RFX7: variants seen among roughly 807,000 people sequenced by gnomAD.
The protein encoded by RFX7 is DNA-binding protein RFX7.
RFX7 carries 26 observed loss-of-function variants against 111.8 expected under a neutral mutation model. That is an observed-to-expected ratio of 0.23 (90% CI 0.17 to 0.32). The LOEUF is 0.32. Among genes scored for constraint, RFX7 ranks in the 10% least tolerant of loss-of-function variants. The pLI is 1.00. For missense variants in RFX7, 1,573 were observed against 1,772.9 expected (o/e 0.89, Z 2.02); for synonymous variants, 624 against 624.4 (o/e 1.00, Z 0.01).
Position 56,219,654 on chromosome 15 carries a change from T to C in RFX7, c.161+23471A>G, listed in dbSNP as rs748771087. On this transcript the variant is annotated intron_variant, in intron 2 of 9. Coordinates refer to ENST00000559447, the MANE Select transcript of RFX7 (RefSeq NM_022841.7). ...TCCTGCATTAGTGTGCTTAGGATAA[T>C]GACTTCCAGCTACATCCACGTCGCT... 3.9e-5 allele frequency among the ~76,000 whole-genome samples: 6 copies of C among 152,302 alleles called. No individual in the cohort carries two copies. The Middle Eastern group carries it at 0.01, about 259-fold the overall frequency.
At chr15:56,117,563 T>G (rs2042024280) in intron 5 of RFX7, among the ~76,000 whole-genome samples, 1 of 152,166 alleles carries the variant, frequency 6.6e-6, no homozygotes, top group Non-Finnish European at 1.5e-5. Context: ...CATTTTTCAG[T>G]ACTATACAAT....
At chr15:56,127,329 T>C (rs2042156627) in intron 5 of RFX7, among the ~76,000 whole-genome samples, 1 of 151,450 alleles carries the variant, frequency 6.6e-6, no homozygotes, top group South Asian at 2.1e-4. Context: ...AAGAAGTGCT[T>C]AGCAGGAAAT....
At chr15:56,119,237 G>C (rs1244638221) in intron 5 of RFX7, among the ~76,000 whole-genome samples, 4 of 152,142 alleles carry the variant, frequency 2.6e-5, no homozygotes, top group Non-Finnish European at 5.9e-5. Context: ...TGTGCTTGTA[G>C]GGTATTGCTC....
At position 56,094,860 on chromosome 15, in the gene RFX7, A is replaced by G. The variant is rs373912380; in HGVS notation, c.2868T>C (p.Pro956=). The change falls in exon 10 of 10, where the codon CCT becomes CCC. Residue 956 remains proline (P), a synonymous_variant. Transcript: ENST00000559447. ...TCGGGGTTGGGGTTGGGGTTGGAGT[A>G]GGAGTGGGTGTGGGTGTGGGTGTGG... ...HTPTPTPTPT[P]TPTPTPTPTS... is the part of the protein sequence containing the mutation. 92 of 1,553,366 alleles carry G rather than the reference A, an allele frequency of 5.9e-5. 1 individual carries two copies. The South Asian group carries it at 7.2e-4, about 12-fold the overall frequency.
intron 5 of RFX7, among the ~76,000 whole-genome samples, chr15:56,131,000 A>G (rs565849483): frequency 1.3e-5 from 2 of 152,242 alleles, no homozygotes; most frequent in Admixed American, 1.3e-4. Context: ...AAGAATAAAT[A>G]AGTCCCATGC....
At chr15:56,142,655 T>C (rs1193033094) in intron 5 of RFX7, 123 bp downstream of exon 5, 12 of 827,604 alleles carry the variant, frequency 1.4e-5, no homozygotes, top group Non-Finnish European at 2.0e-5. Flanking sequence ...TCTTAAGAGA[T>C]TTCTAAGTGT....
intron 5 of RFX7, among the ~76,000 whole-genome samples, chr15:56,139,960 G>A (rs1438801047): frequency 6.6e-6 from 1 of 152,204 alleles, no homozygotes; most frequent in Non-Finnish European, 1.5e-5. Context: ...ACTTGAGGAG[G>A]CAGTCTGCCC....
chr15:56,228,931 G>T (rs1385917673), intron 2 of RFX7, among the ~76,000 whole-genome samples: 1 of 152,034 alleles, frequency 6.6e-6, no homozygotes, highest in Non-Finnish European at 1.5e-5. Context: ...ATGATTAATT[G>T]TAAGAACAAA....
intron 9 of RFX7, 119 bp from the exon 10 acceptor site, chr15:56,096,739 C>T (rs1281445912): frequency 3.5e-6 from 4 of 1,145,332 alleles, no homozygotes; most frequent in Non-Finnish European, 4.8e-6. Flanking sequence ...AAAAAAGTTC[C>T]TATGTTAGAA....
At chr15:56,175,565 G>A (rs1255404001) in intron 3 of RFX7, among the ~76,000 whole-genome samples, 1 of 152,074 alleles carries the variant, frequency 6.6e-6, no homozygotes, top group Non-Finnish European at 1.5e-5. Context: ...TGGAAAATAA[G>A]AGCCTAGAAA....
intron 2 of RFX7, among the ~76,000 whole-genome samples, chr15:56,198,994 C>G (rs1027590265): frequency 1.8e-4 from 27 of 148,704 alleles, no homozygotes; most frequent in African/African-American, 6.2e-4. Flanking sequence ...GACCCCATCT[C>G]TGACAAAGAA....
intron 5 of RFX7, among the ~76,000 whole-genome samples, chr15:56,113,551 G>A (rs1377285066): frequency 6.6e-6 from 1 of 151,996 alleles, no homozygotes; most frequent in Non-Finnish European, 1.5e-5. Context: ...AATGCATGAG[G>A]GGCTTAATAC....
chr15:56,136,995 G>C (rs1248283563), intron 5 of RFX7, among the ~76,000 whole-genome samples: 1 of 151,284 alleles, frequency 6.6e-6, no homozygotes, highest in Non-Finnish European at 1.5e-5. Context: ...TAAGCTTTTT[G>C]ATGTGCTGCT....
At chr15:56,111,557 C>A (rs1420440561) in intron 5 of RFX7, among the ~76,000 whole-genome samples, 1 of 149,678 alleles carries the variant, frequency 6.7e-6, no homozygotes, top group Admixed American at 6.7e-5. Flanking sequence ...GACCTTTGTT[C>A]ACTTGTTTAT....
intron 2 of RFX7, among the ~76,000 whole-genome samples, chr15:56,186,230 T>C (rs1274520615): frequency 6.6e-6 from 1 of 152,220 alleles, no homozygotes; most frequent in Non-Finnish European, 1.5e-5. Context: ...AAAATCTCTC[T>C]TCAGGTTCTA....
intron 2 of RFX7, among the ~76,000 whole-genome samples, chr15:56,218,513 C>T (rs2043390862): frequency 6.6e-6 from 1 of 152,146 alleles, no homozygotes. Flanking sequence ...ATTTGAACAT[C>T]CCTGGTTTTG....
chr15:56,243,358 G>C (rs2043736396), intron 1 of RFX7, 71 bp from the exon 2 acceptor site: 3 of 870,816 alleles, frequency 3.4e-6, no homozygotes, highest in East Asian at 9.3e-5. Context: ...GACCGGGAGG[G>C]GAGGACGAAG....
At chr15:56,184,781 G>C (rs1010826213) in intron 2 of RFX7, among the ~76,000 whole-genome samples, 1 of 152,052 alleles carries the variant, frequency 6.6e-6, no homozygotes, top group East Asian at 1.9e-4. Context: ...CATTCACGTT[G>C]CTTTATTTAT....
chr15:56,240,119 T>TA (rs757301605), intron 2 of RFX7, among the ~76,000 whole-genome samples: 3 of 142,664 alleles, frequency 2.1e-5, no homozygotes, highest in African/African-American at 7.5e-5. Flanking sequence ...TTTTTTTTTT[T>TA]AACAACAAAA....
Sources: allele counts gnomAD v4.1 joint callset (sites outside exome capture counted in the v4.1 genomes callset), GRCh38; gene constraint gnomAD v4.1.1; transcripts MANE v1.5; gene names NCBI Gene and HGNC (gene_info 2026-07-23, HGNC 2026-07-21).